Variants in UBL3 observed in about 807,000 individuals in gnomAD.
The protein encoded by UBL3 is ubiquitin like 3.
In UBL3, 6 loss-of-function variants were observed where a neutral mutation model predicts 18.4. That is an observed-to-expected ratio of 0.33 (90% CI 0.18 to 0.64). The LOEUF (loss-of-function observed/expected upper bound fraction) is 0.64, where lower values mean the gene tolerates loss of function less well. Among genes scored for constraint, UBL3 ranks in the 30% least tolerant of loss-of-function variants. The pLI is 0.76. For synonymous variants in UBL3, 49 were observed against 46.6 expected (o/e 1.05, Z -0.21); for missense variants, 109 against 142.9 (o/e 0.76, Z 1.21).
At chr13:29,771,025 C>G (rs370268952) in intron 3 of UBL3, among the ~76,000 whole-genome samples, 1 of 151,880 alleles carries the variant, frequency 6.6e-6, no homozygotes, top group African/African-American at 2.4e-5. Context: ...GGATTTTTAC[C>G]AGTGCATTTT....
chr13:29,800,909 A>ACC lies in UBL3; in HGVS notation c.28-23648_28-23647dup, dbSNP rs147779418. Among the ~76,000 whole-genome samples the ACC allele has an allele frequency of 2.6e-5, 4 of 151,148 alleles. No individual in the cohort carries two copies. The South Asian group carries it at 6.3e-4, about 24-fold the overall frequency. On this transcript the variant is annotated intron_variant, in intron 1 of 4. Transcript: ENST00000380680. ...GCTTAGTGGCTGGGGACTGACAGGG[A>ACC]CCCCCCCACGGTGCAGCAGCCTTAT...
At chr13:29,812,921 G>A (rs1321882118) in intron 1 of UBL3, among the ~76,000 whole-genome samples, 1 of 151,966 alleles carries the variant, frequency 6.6e-6, no homozygotes, top group East Asian at 1.9e-4. Flanking sequence ...TTTACCTGTT[G>A]TCTTTTAACT....
intron 1 of UBL3, among the ~76,000 whole-genome samples, chr13:29,848,167 G>C (rs1026732692): frequency 2.0e-5 from 3 of 151,848 alleles, no homozygotes; most frequent in African/African-American, 7.3e-5. Flanking sequence ...CAGCAGGCTG[G>C]GCGCAGTGGC....
At chr13:29,803,358 A>G (rs1041350620) in intron 1 of UBL3, among the ~76,000 whole-genome samples, 10 of 152,174 alleles carry the variant, frequency 6.6e-5, no homozygotes, top group African/African-American at 2.2e-4. Context: ...CACTGACACT[A>G]TAAAAGAATG....
rs377210189 is a variant in UBL3 at position 29,844,132 on chromosome 13, G to T, written c.27+5380C>A. On this transcript the variant is annotated intron_variant, in intron 1 of 4. Coordinates refer to ENST00000380680, the MANE Select transcript of UBL3 (RefSeq NM_007106.4). ...TGAGAAACTCATGGTGCTGTTGCTG[G>T]CATCTACATTCTAGAATTCACACAT... 6.7e-4 allele frequency among the ~76,000 whole-genome samples: 102 copies of T among 152,240 alleles called. 2 individuals are homozygous for T. The highest frequency in any genetic ancestry group is 3.4e-3 in the Middle Eastern group (1 of 294).
At chr13:29,824,480 C>T (rs558089102) in intron 1 of UBL3, among the ~76,000 whole-genome samples, 3 of 152,284 alleles carry the variant, frequency 2.0e-5, no homozygotes, top group East Asian at 1.9e-4. Context: ...CATTTCTTCA[C>T]GTGCCCATTG....
chr13:29,832,418 C>T lies in UBL3; in HGVS notation c.27+17094G>A, dbSNP rs143503773. ...CGCTATCTCGGCTCACTGCAAGCTC[C>T]GCCTCCCGGGTTCACGCCATTCTCC... is the stretch of plus-strand genomic sequence containing the variant. On this transcript the variant is annotated intron_variant, in intron 1 of 4. Coordinates refer to ENST00000380680, the MANE Select transcript of UBL3 (RefSeq NM_007106.4). Among the ~76,000 whole-genome samples, 1,224 of 151,892 alleles carry T rather than the reference C, an allele frequency of 8.1e-3. 15 individuals carry two copies. Among genetic ancestry groups the T allele is most frequent in the Middle Eastern group, 0.017 (5 of 294 alleles).
At chr13:29,782,575 T>TCCCC (rs1366302677) in intron 1 of UBL3, among the ~76,000 whole-genome samples, 2 of 152,042 alleles carry the variant, frequency 1.3e-5, no homozygotes, top group African/African-American at 4.8e-5. Context: ...CCCTCCTTAC[T>TCCCC]CCCCCTGGCC....
chr13:29,833,725 T>C (rs1878845803), intron 1 of UBL3, among the ~76,000 whole-genome samples: 1 of 152,216 alleles, frequency 6.6e-6, no homozygotes, highest in Admixed American at 6.5e-5. Context: ...TCTGTAATAC[T>C]TACCACCATC....
intron 2 of UBL3, among the ~76,000 whole-genome samples, chr13:29,773,599 C>A (rs759176627): frequency 4.6e-5 from 7 of 151,850 alleles, no homozygotes; most frequent in Non-Finnish European, 1.0e-4. Flanking sequence ...TTTTGAGATG[C>A]AGAAACCTGA....
chr13:29,842,223 C>T (rs577453128), intron 1 of UBL3, among the ~76,000 whole-genome samples: 6 of 148,458 alleles, frequency 4.0e-5, no homozygotes, highest in African/African-American at 1.5e-4. Context: ...CTCACTGCAA[C>T]CTCTGCTCAC....
intron 1 of UBL3, among the ~76,000 whole-genome samples, chr13:29,780,572 T>C (rs1877128439): frequency 6.6e-6 from 1 of 151,642 alleles, no homozygotes; most frequent in South Asian, 2.1e-4. Flanking sequence ...AAAAACATCT[T>C]GTTTATTCAA....
intron 3 of UBL3, 86 bp downstream of exon 3, chr13:29,772,026 C>T (rs2139307363): frequency 2.6e-6 from 3 of 1,172,084 alleles, no homozygotes; most frequent in African/African-American, 1.6e-5. Flanking sequence ...TTTTTTTTAG[C>T]AAATTCAAAG....
At chr13:29,772,640 A>AAT (rs1175395495) in intron 2 of UBL3, among the ~76,000 whole-genome samples, 1 of 152,140 alleles carries the variant, frequency 6.6e-6, no homozygotes, top group Non-Finnish European at 1.5e-5. Context: ...AAAAACAGTT[A>AAT]ATATATTGAT....
chr13:29,785,183 G>A (rs1877278688), intron 1 of UBL3, among the ~76,000 whole-genome samples: 1 of 152,170 alleles, frequency 6.6e-6, no homozygotes, highest in South Asian at 2.1e-4. Flanking sequence ...TAGAATTACA[G>A]GCATGAGCCT....
intron 1 of UBL3, among the ~76,000 whole-genome samples, chr13:29,782,012 A>T (rs1180315670): frequency 6.6e-6 from 1 of 151,862 alleles, no homozygotes; most frequent in Non-Finnish European, 1.5e-5. Flanking sequence ...CTAAAAAAAA[A>T]AATAAAATAA....
At chr13:29,839,858 C>T (rs1230035491) in intron 1 of UBL3, among the ~76,000 whole-genome samples, 3 of 146,444 alleles carry the variant, frequency 2.0e-5, no homozygotes, top group African/African-American at 7.6e-5. Context: ...ACCCGGGAGG[C>T]GGAGCTTGCA....
At chr13:29,841,987 C>G (rs193199710) in intron 1 of UBL3, among the ~76,000 whole-genome samples, 39 of 152,202 alleles carry the variant, frequency 2.6e-4, no homozygotes, top group African/African-American at 9.4e-4. Context: ...TTTCCAAATC[C>G]CCTTCATTTA....
At chr13:29,791,661 C>T (rs901028449) in intron 1 of UBL3, among the ~76,000 whole-genome samples, 2 of 152,180 alleles carry the variant, frequency 1.3e-5, no homozygotes, top group African/African-American at 4.8e-5. Flanking sequence ...CTCCTTCCTT[C>T]CTCAGAGTTT....
Sources: gnomAD v4.1 joint callset for allele counts (sites outside exome capture counted in the v4.1 genomes callset) on GRCh38, gnomAD v4.1.1 for gene constraint, MANE v1.5 for transcripts, NCBI Gene and HGNC (gene_info 2026-07-23, HGNC 2026-07-21) for gene names.